The following TRPV1 variants were observed in gnomAD, a reference collection of about 807,000 sequenced individuals.
The protein encoded by TRPV1 is OTRPC1.
In TRPV1, 82 loss-of-function variants were observed where a neutral mutation model predicts 82.3. The observed-to-expected ratio is 1.00, with a 90% confidence interval of 0.83 to 1.20. The LOEUF (loss-of-function observed/expected upper bound fraction) is 1.20. TRPV1 is among the 50% of genes most tolerant of loss of function. The pLI is 0.00. For synonymous variants in TRPV1, 515 were observed against 467.7 expected (o/e 1.10, Z -1.30); for missense variants, 1,067 against 1,096.8 (o/e 0.97, Z 0.38).
intron 10 of TRPV1, among the ~76,000 whole-genome samples, chr17:3,582,312 A>C (rs1007697413): frequency 4.7e-5 from 7 of 149,060 alleles, no homozygotes; most frequent in Non-Finnish European, 1.0e-4. Context: ...ACAGAGGTTG[A>C]AGTGAGCCAC....
At chr17:3,600,601 C>T (rs767759869) in intron 2 of TRPV1, among the ~76,000 whole-genome samples, 2 of 152,168 alleles carry the variant, frequency 1.3e-5, no homozygotes, top group East Asian at 1.9e-4. Flanking sequence ...AAAAACAAAA[C>T]GAAACAAAAC....
At chr17:3,607,467 C>T (rs2075303384) in intron 2 of TRPV1, among the ~76,000 whole-genome samples, 4 of 152,004 alleles carry the variant, frequency 2.6e-5, no homozygotes, top group African/African-American at 9.7e-5. Flanking sequence ...TCTACACATA[C>T]ATATCTGTAA....
intron 2 of TRPV1, among the ~76,000 whole-genome samples, chr17:3,605,295 GGCC>G (rs1336575068): frequency 6.6e-6 from 1 of 152,228 alleles, no homozygotes; most frequent in East Asian, 1.9e-4. Flanking sequence ...GATCACTTGA[GGCC>G]AGAAGTTCAA....
chr17:3,589,822 C>T lies in TRPV1; in HGVS notation c.1029G>A (p.Gly343=), dbSNP rs1555551047. Reference sequence around the variant, plus strand: ...CCCCTCTTACCCCGATCTTCCCGGTCCCAGCTGCCAGAGCCAGCGGCGTCA... The same window carrying T: ...CCCCTCTTACCCCGATCTTCCCGGTTCCAGCTGCCAGAGCCAGCGGCGTCA... ...KGMTPLALAA[G]TGKIGVLAYI... is the part of the protein sequence containing the mutation. Residue 343 remains glycine (G), a synonymous_variant, in exon 7 of 17, where the codon GGG becomes GGA. Transcript: ENST00000572705. 4 of 1,612,804 alleles carry T rather than the reference C, an allele frequency of 2.5e-6. No individual in the cohort carries two copies. The highest frequency in any genetic ancestry group is 3.4e-6 in the Non-Finnish European group (4 of 1,179,120).
At chr17:3,588,874 CT>C (rs1254835433) in intron 7 of TRPV1, 4 of 1,529,910 alleles carry the variant, frequency 2.6e-6, no homozygotes, top group Non-Finnish European at 1.8e-6. Context: ...CAGATACTAC[CT>C]GCACCATATC....
chr17:3,582,026 T>TA (rs2075024725), intron 10 of TRPV1, among the ~76,000 whole-genome samples: 2 of 144,596 alleles, frequency 1.4e-5, no homozygotes, highest in Admixed American at 7.1e-5. Context: ...CCGTCTCTAC[T>TA]AAAAATACAA....
chr17:3,570,276 A>AG (rs577958831), intron 16 of TRPV1, among the ~76,000 whole-genome samples: 173 of 152,074 alleles, frequency 1.1e-3, no homozygotes, highest in African/African-American at 4.1e-3. Context: ...AGACTGAGGC[A>AG]GGAGAATCGC....
At chr17:3,578,744 C>G (rs1488838225) in intron 11 of TRPV1, 2 of 152,166 alleles carry the variant, frequency 1.3e-5, no homozygotes, top group African/African-American at 4.8e-5. Flanking sequence ...TATCAAAGCA[C>G]TATTCACAAT....
At chr17:3,583,769 G>A (rs2075050096) in intron 9 of TRPV1, among the ~76,000 whole-genome samples, 1 of 152,164 alleles carries the variant, frequency 6.6e-6, no homozygotes, top group African/African-American at 2.4e-5. Context: ...TGGACCCCAC[G>A]CCATACACAT....
chr17:3,589,052 G>A, intron 7 of TRPV1: 1 of 1,270,350 alleles, frequency 7.9e-7, no homozygotes, highest in Non-Finnish European at 1.1e-6. Flanking sequence ...TTGGGAGGCT[G>A]AGGTGGAAGG....
chr17:3,594,477 A>G (rs1373203137), intron 2 of TRPV1, among the ~76,000 whole-genome samples: 2 of 152,130 alleles, frequency 1.3e-5, no homozygotes, highest in African/African-American at 4.8e-5. Flanking sequence ...CTACGTTCTG[A>G]ATCTCAGATC....
chr17:3,572,071 G>A, intron 15 of TRPV1, 51 bp downstream of exon 15: 9 of 1,595,734 alleles, frequency 5.6e-6, no homozygotes, highest in Non-Finnish European at 6.8e-6. Context: ...TGTGTCCACA[G>A]GTGAGCCCCA....
intron 15 of TRPV1, 127 bp from the exon 16 acceptor site, chr17:3,571,766 G>A: frequency 2.8e-6 from 2 of 709,596 alleles, no homozygotes; most frequent in East Asian, 2.7e-5. Flanking sequence ...GGGGAGGGCA[G>A]AGAGGACTTG....
rs201145121 is a variant in TRPV1 at position 3,588,197 on chromosome 17, G to A, written c.1215C>T (p.Ser405=). Residue 405 remains serine, a synonymous_variant, in exon 8 of 17, where the codon AGC becomes AGT. Transcript: ENST00000572705. ...SVLEVIAYSS[S]ETPNRHDMLL... is the part of the protein sequence containing the mutation. ...TGCCCCAGCCACTCACAGGGGTCTC[G>A]CTGCTGCTGTAGGCGATCACCTCCA... 297 of 1,561,404 alleles carry A rather than the reference G, an allele frequency of 1.9e-4. No individual in the cohort carries two copies. The highest frequency in any genetic ancestry group is 2.0e-4 in the Non-Finnish European group (231 of 1,152,994).
intron 2 of TRPV1, among the ~76,000 whole-genome samples, chr17:3,603,097 G>A (rs772711316): frequency 1.5e-4 from 23 of 151,550 alleles, no homozygotes; most frequent in Non-Finnish European, 1.0e-4. Flanking sequence ...TCCAGCCTGG[G>A]CAACAAGAGC....
rs374529281 is a variant in TRPV1, at chr17:3,591,361, C to G, written c.285-8G>C. The G allele has an allele frequency of 6.4e-6, 10 of 1,561,206 alleles. No homozygotes were observed. The East Asian group carries it at 1.6e-4, about 25-fold the overall frequency. On this transcript the variant is annotated splice_region_variant and splice_polypyrimidine_tract_variant and intron_variant, in intron 3 of 16. Coordinates refer to ENST00000572705, the MANE Select transcript of TRPV1 (RefSeq NM_080704.4). ...GAGTCCTGGGACAGCAGCCTGTGGG[C>G]CAGAAAACACGCTCGTCTCATACCC...
chr17:3,586,667 AG>A (rs371660335), intron 8 of TRPV1, among the ~76,000 whole-genome samples: 55 of 152,276 alleles, frequency 3.6e-4, no homozygotes, highest in African/African-American at 1.3e-3. Context: ...GCTACTTGGG[AG>A]GCTGAGGTGG....
chr17:3,589,979 G>T lies in TRPV1; in HGVS notation c.872C>A (p.Ala291Asp). 1.3e-6 allele frequency: 2 copies of T among 1,561,074 alleles called. No individual in the cohort carries two copies. Among genetic ancestry groups the T allele is most frequent in the Non-Finnish European group, 1.7e-6 (2 of 1,153,140 alleles). Residue 291 changes from alanine (A) to aspartate (D), a missense_variant, in exon 7 of 17, where the codon GCC becomes GAC. Ala to Asp is a moderately radical substitution (Grantham distance 126). Transcript: ENST00000572705. ...RDSVGNTVLHALVEVADNTAD... is the reference protein window; with the variant it reads ...RDSVGNTVLHDLVEVADNTAD... ...CGTGTTGTCGGCCACCTCCACCAGG[G>T]CGTGCAGCACCGTGTTGCCCACCGA...
chr17:3,572,858 C>G (rs1332198479), intron 14 of TRPV1, among the ~76,000 whole-genome samples: 1 of 152,060 alleles, frequency 6.6e-6, no homozygotes, highest in Non-Finnish European at 1.5e-5. Flanking sequence ...TGGTGGGTGC[C>G]TGCAATCCCA....
Sources: allele counts gnomAD v4.1 joint callset (sites outside exome capture counted in the v4.1 genomes callset), GRCh38; gene constraint gnomAD v4.1.1; transcripts MANE v1.5; gene names NCBI Gene and HGNC (gene_info 2026-07-23, HGNC 2026-07-21).